Variants in RABGAP1L observed in about 807,000 individuals in gnomAD.
RABGAP1L encodes rab GTPase-activating protein 1-like.
A neutral mutation model predicts 137.7 loss-of-function variants in RABGAP1L; 63 were observed. That is an observed-to-expected ratio of 0.46 (90% CI 0.37 to 0.56). The LOEUF (loss-of-function observed/expected upper bound fraction) is 0.56. RABGAP1L is among the 20% of genes least tolerant of loss of function. The probability of loss-of-function intolerance (pLI) is 0.00; values close to 1 mark genes in which losing one functional copy is unlikely to be tolerated. For synonymous variants in RABGAP1L, 431 were observed against 433.7 expected (o/e 0.99, Z 0.08); for missense variants, 1,095 against 1,244.0 (o/e 0.88, Z 1.80).
At chr1:174,362,327 T>G (rs1211438735) in intron 11 of RABGAP1L, among the ~76,000 whole-genome samples, 1 of 152,240 alleles carries the variant, frequency 6.6e-6, no homozygotes. Context: ...AAATGGTATT[T>G]CTGTCTTTAG....
chr1:174,351,275 C>G (rs997092205), intron 11 of RABGAP1L, among the ~76,000 whole-genome samples: 21 of 152,108 alleles, frequency 1.4e-4, no homozygotes, highest in Admixed American at 1.1e-3. Context: ...AGTTTTGTAT[C>G]CTCAGATAAT....
At chr1:174,368,684 A>G (rs1196763185) in intron 11 of RABGAP1L, among the ~76,000 whole-genome samples, 1 of 152,128 alleles carries the variant, frequency 6.6e-6, no homozygotes, top group Admixed American at 6.5e-5. Flanking sequence ...ATATTAGTGA[A>G]AATAGCCATT....
At chr1:174,879,287 A>G (rs182451364) in intron 19 of RABGAP1L, among the ~76,000 whole-genome samples, 3 of 152,136 alleles carry the variant, frequency 2.0e-5, no homozygotes, top group African/African-American at 7.2e-5. Flanking sequence ...TTTAGTAGAG[A>G]CAGGGTTTCA....
chr1:174,868,310 A>C (rs918676773), intron 19 of RABGAP1L, among the ~76,000 whole-genome samples: 1 of 152,180 alleles, frequency 6.6e-6, no homozygotes, highest in Non-Finnish European at 1.5e-5. Context: ...AAATTGGGAT[A>C]ATTAAATCTG....
At chr1:174,434,151 A>ACACACACACACAC (rs1361968902) in intron 13 of RABGAP1L, among the ~76,000 whole-genome samples, 2 of 147,518 alleles carry the variant, frequency 1.4e-5, no homozygotes, top group Non-Finnish European at 3.0e-5. Context: ...ACACACACAC[A>ACACACACACACAC]CCCTGCCTGG....
intron 18 of RABGAP1L, among the ~76,000 whole-genome samples, chr1:174,759,921 T>C (rs1250786543): frequency 3.9e-5 from 6 of 152,166 alleles, no homozygotes; most frequent in Admixed American, 6.5e-5. Context: ...ACCTTCAACA[T>C]TGGGGATTAC....
At chr1:174,841,936 A>T (rs1314575492) in intron 19 of RABGAP1L, among the ~76,000 whole-genome samples, 2 of 152,104 alleles carry the variant, frequency 1.3e-5, no homozygotes, top group Non-Finnish European at 2.9e-5. Context: ...CACAATGTAG[A>T]TGCCAATAGG....
intron 1 of RABGAP1L, among the ~76,000 whole-genome samples, chr1:174,200,410 C>A (rs1011639635): frequency 6.6e-6 from 1 of 152,096 alleles, no homozygotes; most frequent in African/African-American, 2.4e-5. Flanking sequence ...TCTACAGTTA[C>A]CTGAATATGA....
At chr1:174,164,265 T>G (rs1664739320) in intron 1 of RABGAP1L, among the ~76,000 whole-genome samples, 1 of 152,132 alleles carries the variant, frequency 6.6e-6, no homozygotes, top group Non-Finnish European at 1.5e-5. Flanking sequence ...TGATATCAGT[T>G]TGTTACTCCC....
intron 12 of RABGAP1L, among the ~76,000 whole-genome samples, chr1:174,391,295 G>A (rs927057694): frequency 4.6e-5 from 7 of 152,108 alleles, no homozygotes; most frequent in Admixed American, 6.6e-5. Flanking sequence ...GGAGAATTGC[G>A]CATGGCATTG....
At chr1:174,537,703 G>A (rs1309564248) in intron 13 of RABGAP1L, among the ~76,000 whole-genome samples, 1 of 152,188 alleles carries the variant, frequency 6.6e-6, no homozygotes, top group East Asian at 1.9e-4. Context: ...CTGCCATCGT[G>A]TGAATTTTCC....
intron 17 of RABGAP1L, among the ~76,000 whole-genome samples, chr1:174,711,390 C>T (rs1368471560): frequency 1.3e-5 from 2 of 152,060 alleles, no homozygotes; most frequent in Non-Finnish European, 2.9e-5. Flanking sequence ...GCTGTCACCT[C>T]TCAGAGGGAG....
At chr1:174,965,045 T>C in intron 20 of RABGAP1L, 1 of 1,244,570 alleles carries the variant, frequency 8.0e-7, no homozygotes, top group South Asian at 1.4e-5. Context: ...CTTTGAAAAA[T>C]GCAGTATCCT....
chr1:174,310,824 C>G lies in RABGAP1L; in HGVS notation c.1465+5697C>G, dbSNP rs534480463. 1.0e-3 allele frequency among the ~76,000 whole-genome samples: 158 copies of G among 152,010 alleles called. 1 individual carries two copies. Among genetic ancestry groups the G allele is most frequent in the Non-Finnish European group, 1.9e-3 (126 of 68,012 alleles). On this transcript the variant is annotated intron_variant, in intron 11 of 25. Transcript: ENST00000681986. ...TCATGGAGAATGGAGTATTTATTCTCTCATACTCTTTGAGAGTATTCTCTC... is the reference window on the plus strand; with the variant it reads ...TCATGGAGAATGGAGTATTTATTCTGTCATACTCTTTGAGAGTATTCTCTC...
At chr1:174,327,982 C>T (rs954541768) in intron 11 of RABGAP1L, among the ~76,000 whole-genome samples, 3,835 of 24,334 alleles carry the variant, frequency 0.16, 364 homozygotes, top group African/African-American at 0.45. Context: ...TATATATACA[C>T]ACACATATAT....
chr1:174,885,928 C>G (rs1357908573), intron 19 of RABGAP1L, among the ~76,000 whole-genome samples: 1 of 151,672 alleles, frequency 6.6e-6, no homozygotes, highest in Non-Finnish European at 1.5e-5. Context: ...GATCGCACCA[C>G]TGCACTCCAG....
chr1:174,501,069 G>C (rs1021721790), intron 13 of RABGAP1L, among the ~76,000 whole-genome samples: 4 of 152,228 alleles, frequency 2.6e-5, no homozygotes, highest in African/African-American at 9.6e-5. Context: ...ATTTCCTGTT[G>C]TAAATGTACT....
At chr1:174,256,750 C>T (rs1414453437) in intron 7 of RABGAP1L, among the ~76,000 whole-genome samples, 1 of 152,218 alleles carries the variant, frequency 6.6e-6, no homozygotes, top group Non-Finnish European at 1.5e-5. Flanking sequence ...CATTGCACTC[C>T]AGCCTTGTGA....
In RABGAP1L at chr1:174,606,050, G is replaced by C. The variant is rs190563936; in HGVS notation, c.1711-31325G>C. Among the ~76,000 whole-genome samples the C allele has an allele frequency of 3.6e-3, 545 of 152,184 alleles. 3 individuals are homozygous for C. Among genetic ancestry groups the C allele is most frequent in the Non-Finnish European group, 5.6e-3 (380 of 67,994 alleles). ...ATGTTTTATTCTTCTTAGTGCCTCA[G>C]ACTAGATCCTATTTAGACATGTTAT... On this transcript the variant is annotated intron_variant, in intron 13 of 25. Transcript: ENST00000681986.
Sources: gnomAD v4.1 joint callset for allele counts (sites outside exome capture counted in the v4.1 genomes callset) on GRCh38, gnomAD v4.1.1 for gene constraint, MANE v1.5 for transcripts, NCBI Gene and HGNC (gene_info 2026-07-23, HGNC 2026-07-21) for gene names.